The following LAMA2 variants were observed in gnomAD, a reference collection of about 807,000 sequenced individuals.
LAMA2 encodes laminin subunit alpha-2.
LAMA2 carries 269 observed loss-of-function variants against 364.8 expected under a neutral mutation model. The observed-to-expected ratio is 0.74, with a 90% CI of 0.67 to 0.82. LAMA2 has a LOEUF of 0.82. Ranked by LOEUF, LAMA2 falls within the 40% of genes least tolerant of loss-of-function variation. The pLI is 0.00. For synonymous variants in LAMA2, 1,379 were observed against 1,370.6 expected, an observed-to-expected ratio of 1.01 and a Z score of -0.14; for missense variants, 3,807 against 3,873.2, an observed-to-expected ratio of 0.98 and a Z score of 0.45.
intron 27 of LAMA2, among the ~76,000 whole-genome samples, chr6:129,318,167 A>G (rs924421498): frequency 6.6e-6 from 1 of 152,188 alleles, no homozygotes; most frequent in African/African-American, 2.4e-5. Flanking sequence ...ATAACCTTGT[A>G]TCTTTATTTA....
At chr6:129,067,376 T>C (rs908896658) in intron 3 of LAMA2, among the ~76,000 whole-genome samples, 9 of 152,200 alleles carry the variant, frequency 5.9e-5, no homozygotes, top group African/African-American at 2.2e-4. Context: ...AAATATATTT[T>C]CCCTTTAAAT....
chr6:129,432,633 G>C (rs187057277), intron 41 of LAMA2, among the ~76,000 whole-genome samples: 1 of 152,286 alleles, frequency 6.6e-6, no homozygotes, highest in East Asian at 1.9e-4. Context: ...ATAAAGGGAT[G>C]GTGGGGCCTG....
At chr6:129,023,723 C>T (rs1359939491) in intron 1 of LAMA2, among the ~76,000 whole-genome samples, 3 of 152,188 alleles carry the variant, frequency 2.0e-5, no homozygotes, top group Non-Finnish European at 4.4e-5. Context: ...GCTGGAACAG[C>T]ACCTGATTTG....
At chr6:129,191,219 T>C (rs1280356855) in intron 11 of LAMA2, among the ~76,000 whole-genome samples, 1 of 152,236 alleles carries the variant, frequency 6.6e-6, no homozygotes, top group Non-Finnish European at 1.5e-5. Context: ...AGTTGTGTTT[T>C]ATAAAGACTA....
intron 37 of LAMA2, among the ~76,000 whole-genome samples, chr6:129,397,438 G>A (rs1432353993): frequency 6.6e-6 from 1 of 152,094 alleles, no homozygotes; most frequent in Non-Finnish European, 1.5e-5. Flanking sequence ...AAGCCATGAG[G>A]AACATGTGTT....
At position 129,427,918 on chromosome 6, in the gene LAMA2, A is replaced by G. The variant is rs147850997; in HGVS notation, c.5968+64A>G. On this transcript the variant is annotated intron_variant, in intron 41 of 64. Coordinates refer to ENST00000421865, the MANE Select transcript of LAMA2 (RefSeq NM_000426.4). Reference sequence around the variant, plus strand: ...CGGGTTGTTACTGATAAGATATTCTATCACACTATTGGAGAATGTAATTTC... The same window carrying G: ...CGGGTTGTTACTGATAAGATATTCTGTCACACTATTGGAGAATGTAATTTC... 929 of 959,096 alleles carry G rather than the reference A, an allele frequency of 9.7e-4. 10 individuals carry two copies. In the South Asian group the frequency reaches 9.7e-3, roughly 10 times the overall value. 59.4% of individuals were successfully genotyped at this position (959,096 alleles called of 1,614,324 possible). A position where few individuals can be genotyped will look rare whatever the true frequency, so the allele number is the denominator to read the frequency against.
intron 1 of LAMA2, among the ~76,000 whole-genome samples, chr6:129,045,846 A>T (rs1329132992): frequency 6.6e-6 from 1 of 152,224 alleles, no homozygotes; most frequent in East Asian, 1.9e-4. Flanking sequence ...GGGCAGACCA[A>T]AGCAGGGCAC....
chr6:129,174,669 G>T lies in LAMA2; in HGVS notation c.1307-3037G>T, dbSNP rs1780449598. On this transcript the variant is annotated intron_variant, in intron 9 of 64. Coordinates refer to ENST00000421865, the MANE Select transcript of LAMA2 (RefSeq NM_000426.4). The stretch of plus-strand genomic sequence containing the variant: ...ACCATGCTCCCTGAACTGTAGTCTA[G>T]TCATCAGAATTTGCCAGTCAACTCC... Among the ~76,000 whole-genome samples, 2 of 152,182 alleles carry T rather than the reference G, an allele frequency of 1.3e-5. 1 individual carries two copies. Among genetic ancestry groups the T allele is most frequent in the South Asian group, 4.2e-4 (2 of 4,818 alleles).
intron 4 of LAMA2, among the ~76,000 whole-genome samples, chr6:129,123,086 T>G (rs1776896388): frequency 6.6e-6 from 1 of 151,850 alleles, no homozygotes; most frequent in Non-Finnish European, 1.5e-5. Flanking sequence ...CAGAGCATTT[T>G]GAGGTCAGGA....
intron 1 of LAMA2, among the ~76,000 whole-genome samples, chr6:129,018,706 C>T (rs1785233200): frequency 6.6e-6 from 1 of 151,830 alleles, no homozygotes; most frequent in Admixed American, 6.6e-5. Flanking sequence ...ATTGACATTC[C>T]TTTTTTAGAA....
chr6:129,009,855 C>G (rs188848567), intron 1 of LAMA2, among the ~76,000 whole-genome samples: 1 of 152,068 alleles, frequency 6.6e-6, no homozygotes, highest in South Asian at 2.1e-4. Context: ...ATTATCATGA[C>G]GGGAGTATGC....
intron 12 of LAMA2, among the ~76,000 whole-genome samples, chr6:129,228,768 A>G (rs990079194): frequency 1.3e-5 from 2 of 152,170 alleles, no homozygotes; most frequent in African/African-American, 4.8e-5. Flanking sequence ...AGATGACGTT[A>G]ATCTTTCATG....
At chr6:129,370,011 A>C in intron 34 of LAMA2, 21 bp downstream of exon 34, 1 of 1,588,232 alleles carries the variant, frequency 6.3e-7, no homozygotes, top group Non-Finnish European at 8.6e-7. Flanking sequence ...AAAATTATGA[A>C]TCTTCTGAAA....
chr6:128,954,996 A>G (rs1208650408), intron 1 of LAMA2, among the ~76,000 whole-genome samples: 3 of 151,846 alleles, frequency 2.0e-5, no homozygotes, highest in Non-Finnish European at 1.5e-5. Context: ...AAAAAAAATA[A>G]TAAGAATCAC....
chr6:129,384,235 A>G lies in LAMA2; in HGVS notation c.5071+1002A>G, dbSNP rs548962602. 2.0e-5 allele frequency among the ~76,000 whole-genome samples: 3 copies of G among 152,314 alleles called. No individual in the cohort carries two copies. In the South Asian group the frequency reaches 6.2e-4, roughly 32 times the overall value. ...ATTGTGGTTTATCCTCTGCTAGATGAAGCTGTTGTACTTTCCCTAGTATTA... is the reference window on the plus strand; with the variant it reads ...ATTGTGGTTTATCCTCTGCTAGATGGAGCTGTTGTACTTTCCCTAGTATTA... On this transcript the variant is annotated intron_variant, in intron 35 of 64. Transcript: ENST00000421865.
At chr6:128,883,480 T>C (rs549997760) in intron 1 of LAMA2, 123 bp downstream of exon 1, 7 of 1,487,756 alleles carry the variant, frequency 4.7e-6, no homozygotes, top group Non-Finnish European at 6.3e-6. Context: ...GAGAGTGCGC[T>C]CTGGGGCAAG....
At chr6:129,134,024 C>T (rs1369774628) in intron 4 of LAMA2, among the ~76,000 whole-genome samples, 2 of 152,178 alleles carry the variant, frequency 1.3e-5, no homozygotes, top group Non-Finnish European at 2.9e-5. Flanking sequence ...ATTTAGACCT[C>T]CTGCTCCAAG....
intron 4 of LAMA2, among the ~76,000 whole-genome samples, chr6:129,113,608 A>G (rs929937637): frequency 6.6e-6 from 1 of 152,090 alleles, no homozygotes; most frequent in Non-Finnish European, 1.5e-5. Context: ...CAACAAAACA[A>G]AGCAAACAAG....
intron 1 of LAMA2, among the ~76,000 whole-genome samples, chr6:128,960,282 A>T (rs1017817432): frequency 3.3e-5 from 5 of 149,380 alleles, no homozygotes; most frequent in South Asian, 4.2e-4. Context: ...ATTGAATTTC[A>T]TGGATTAATC....
Sources: allele counts gnomAD v4.1 joint callset (sites outside exome capture counted in the v4.1 genomes callset), GRCh38; gene constraint gnomAD v4.1.1; transcripts MANE v1.5; gene names NCBI Gene and HGNC (gene_info 2026-07-23, HGNC 2026-07-21).